The following CCDC171 variants were observed in gnomAD, a reference collection of about 807,000 sequenced individuals.
CCDC171 encodes coiled-coil domain-containing protein 171.
Under a neutral mutation model 168.2 loss-of-function variants are expected in CCDC171, and 177 were observed. That is an observed-to-expected ratio of 1.05 (90% CI 0.93 to 1.19). The LOEUF (loss-of-function observed/expected upper bound fraction) is 1.19, where lower values mean the gene tolerates loss of function less well. Ranked by LOEUF, CCDC171 falls within the 50% of genes most tolerant of loss-of-function variation. CCDC171 has a pLI of 0.00. For missense variants in CCDC171, 1,991 were observed against 1,539.0 expected (o/e 1.29, Z -4.91); for synonymous variants, 687 against 540.8 (o/e 1.27, Z -3.75).
intron 21 of CCDC171, among the ~76,000 whole-genome samples, chr9:15,840,419 G>A (rs1052014120): frequency 2.9e-4 from 44 of 152,178 alleles, no homozygotes; most frequent in African/African-American, 1.0e-3. Context: ...ACATAGCTGG[G>A]GTTGTCAGCT....
At chr9:15,904,805 C>G (rs1822278766) in intron 24 of CCDC171, among the ~76,000 whole-genome samples, 1 of 150,928 alleles carries the variant, frequency 6.6e-6, no homozygotes, top group Non-Finnish European at 1.5e-5. Flanking sequence ...CACATAGGCT[C>G]AAAATAAAAG....
intron 25 of CCDC171, among the ~76,000 whole-genome samples, chr9:15,947,145 G>A (rs559333700): frequency 3.0e-4 from 45 of 152,050 alleles, no homozygotes; most frequent in African/African-American, 1.1e-3. Flanking sequence ...CAAGTGATGT[G>A]TGTCACCATT....
chr9:15,602,647 C>CTT (rs1161286304), intron 6 of CCDC171, among the ~76,000 whole-genome samples: 13 of 30,504 alleles, frequency 4.3e-4, no homozygotes, highest in South Asian at 1.5e-3. Context: ...TTTTTTTTTT[C>CTT]TTTTTTTTTT....
intron 21 of CCDC171, among the ~76,000 whole-genome samples, chr9:15,836,490 C>G (rs1397436194): frequency 1.3e-5 from 2 of 152,120 alleles, no homozygotes; most frequent in East Asian, 3.9e-4. Context: ...CTCAGCCTCC[C>G]GAGTAGCTGG....
At chr9:15,820,920 TG>T (rs1428397108) in intron 21 of CCDC171, among the ~76,000 whole-genome samples, 1 of 116,890 alleles carries the variant, frequency 8.6e-6, no homozygotes, top group East Asian at 2.1e-4. Flanking sequence ...TGATGAACAT[TG>T]ATGCAAAAAT....
At chr9:15,900,941 T>A (rs1216111145) in intron 24 of CCDC171, among the ~76,000 whole-genome samples, 2 of 152,182 alleles carry the variant, frequency 1.3e-5, no homozygotes, top group Admixed American at 6.5e-5. Context: ...CTACAGTTAG[T>A]CACCTGATGC....
chr9:16,101,355 A>C, the CCDC171 span, among the ~76,000 whole-genome samples: 2 of 152,194 alleles, frequency 1.3e-5, no homozygotes, highest in Non-Finnish European at 2.9e-5. Context: ...CTGAATTTCA[A>C]ATTTAATTGG....
intron 11 of CCDC171, among the ~76,000 whole-genome samples, chr9:15,705,179 G>C (rs1304478347): frequency 6.6e-6 from 1 of 151,394 alleles, no homozygotes; most frequent in Non-Finnish European, 1.5e-5. Flanking sequence ...CTTGGTTGTG[G>C]TAATCATTTC....
At chr9:15,975,379 A>G (rs1165961180), downstream of CCDC171, among the ~76,000 whole-genome samples, 1 of 152,196 alleles carries the variant, frequency 6.6e-6, no homozygotes, top group African/African-American at 2.4e-5. Context: ...AGAGAAAAAA[A>G]AATTTTTTTT....
chr9:15,568,106 T>A (rs2039894990), intron 2 of CCDC171, among the ~76,000 whole-genome samples: 1 of 152,102 alleles, frequency 6.6e-6, no homozygotes, highest in Non-Finnish European at 1.5e-5. Flanking sequence ...TTGCTGAAAT[T>A]GATTTTAGTT....
rs533690003 is a variant in CCDC171, at chr9:15,710,281, G to C, written c.1319-11488G>C. Among the ~76,000 whole-genome samples the C allele has an allele frequency of 1.8e-3, 273 of 151,928 alleles. 2 individuals carry two copies. The highest frequency in any genetic ancestry group is 6.2e-3 in the African/African-American group (256 of 41,410). On this transcript the variant is annotated intron_variant, in intron 11 of 25. Transcript: ENST00000380701. Reference sequence around the variant, plus strand: ...TTGGCTGATTTTAAAAAATCTGTAGGTTCCTCTCCTCTTCTGTCTCTCTCT... The same window carrying C: ...TTGGCTGATTTTAAAAAATCTGTAGCTTCCTCTCCTCTTCTGTCTCTCTCT...
chr9:15,811,058 T>A (rs1472491251), intron 21 of CCDC171, among the ~76,000 whole-genome samples: 1 of 152,242 alleles, frequency 6.6e-6, no homozygotes, highest in African/African-American at 2.4e-5. Flanking sequence ...GAAAATTCTG[T>A]TGTACAGTGC....
At chr9:15,759,079 A>G (rs988830812) in intron 18 of CCDC171, among the ~76,000 whole-genome samples, 2 of 152,002 alleles carry the variant, frequency 1.3e-5, no homozygotes, top group African/African-American at 2.4e-5. Context: ...TAACATTTGA[A>G]TATGTTCTTC....
At chr9:15,580,126 A>C (rs1017722173) in intron 4 of CCDC171, among the ~76,000 whole-genome samples, 2 of 152,144 alleles carry the variant, frequency 1.3e-5, no homozygotes, top group Non-Finnish European at 2.9e-5. Flanking sequence ...GGGAAAGGAC[A>C]CCCTATTCAC....
intron 9 of CCDC171, among the ~76,000 whole-genome samples, chr9:15,670,987 G>A (rs1021540888): frequency 3.3e-5 from 5 of 152,158 alleles, no homozygotes; most frequent in African/African-American, 1.2e-4. Flanking sequence ...AGCTACTTGG[G>A]AGGCTGAGGT....
Position 16,021,159 on chromosome 9 carries a change from C to T in CCDC171, n.574+365C>T, listed in dbSNP as rs375323358. On this transcript the variant is annotated intron_variant and non_coding_transcript_variant, in intron 4 of 9. Coordinates refer to the CCDC171 transcript ENST00000486641. ...CTGGAGTGCAATGGCGTGATCTCGGCGCACTGCAACCTCCGCCTCCGGGGT... is the reference window on the plus strand; with the variant it reads ...CTGGAGTGCAATGGCGTGATCTCGGTGCACTGCAACCTCCGCCTCCGGGGT... Among the ~76,000 whole-genome samples the T allele has an allele frequency of 3.9e-5, 6 of 152,292 alleles. No homozygotes were observed. In the East Asian group the frequency reaches 1.2e-3, roughly 29 times the overall value.
At chr9:15,623,945 G>A (rs1165998808) in intron 7 of CCDC171, among the ~76,000 whole-genome samples, 1 of 152,144 alleles carries the variant, frequency 6.6e-6, no homozygotes, top group Admixed American at 6.6e-5. Context: ...TAAGAGAAAT[G>A]TAATTGATTT....
At chr9:15,630,102 G>C (rs1587566541) in intron 7 of CCDC171, among the ~76,000 whole-genome samples, 1 of 152,162 alleles carries the variant, frequency 6.6e-6, no homozygotes, top group South Asian at 2.1e-4. Flanking sequence ...ATCGAGGCTA[G>C]GAAGAAACTG....
intron 10 of CCDC171, among the ~76,000 whole-genome samples, chr9:15,686,770 C>T: frequency 6.6e-6 from 1 of 152,042 alleles, no homozygotes; most frequent in East Asian, 1.9e-4. Flanking sequence ...TGAAGCAAAA[C>T]CTGACATAAT....
Sources: allele counts gnomAD v4.1 joint callset (sites outside exome capture counted in the v4.1 genomes callset), GRCh38; gene constraint gnomAD v4.1.1; transcripts MANE v1.5; gene names NCBI Gene and HGNC (gene_info 2026-07-23, HGNC 2026-07-21).